Variants in GRK5 observed in about 807,000 individuals in gnomAD.
The protein encoded by GRK5 is G protein-coupled receptor kinase 5, also known as g protein-coupled receptor kinase GRK5.
A neutral mutation model predicts 78.4 loss-of-function variants in GRK5; 40 were observed. The observed-to-expected ratio is 0.51, with a 90% CI of 0.40 to 0.66. The LOEUF (loss-of-function observed/expected upper bound fraction) is 0.66. Ranked by LOEUF, GRK5 falls within the 30% of genes least tolerant of loss-of-function variation. The probability of loss-of-function intolerance (pLI) is 0.00; values close to 1 mark genes in which losing one functional copy is unlikely to be tolerated. For missense variants in GRK5, 598 were observed against 759.9 expected, an observed-to-expected ratio of 0.79 and a Z score of 2.50; for synonymous variants, 289 against 296.8, an observed-to-expected ratio of 0.97 and a Z score of 0.27.
intron 6 of GRK5, among the ~76,000 whole-genome samples, chr10:119,429,360 C>T (rs904006850): frequency 4.0e-3 from 4 of 988 alleles, no homozygotes; most frequent in Middle Eastern, 0.5. Context: ...AGTTCTTTGG[C>T]CCAGTTCTGC....
chr10:119,243,376 T>C (rs762428132), intron 1 of GRK5, among the ~76,000 whole-genome samples: 10 of 152,140 alleles, frequency 6.6e-5, no homozygotes, highest in Non-Finnish European at 1.2e-4. Context: ...AAAAATAATA[T>C]ATAAACTCAT....
chr10:119,435,015 C>T (rs1346563683), intron 8 of GRK5, among the ~76,000 whole-genome samples: 1 of 152,216 alleles, frequency 6.6e-6, no homozygotes, highest in Non-Finnish European at 1.5e-5. Flanking sequence ...CTTGGGGCTT[C>T]CACCATGGCT....
At position 119,379,602 on chromosome 10, in the gene GRK5, CT is replaced by C. The variant is rs544131372; in HGVS notation, c.149-1212del. Among the ~76,000 whole-genome samples the C allele has an allele frequency of 6.6e-6, 1 of 152,182 alleles. No homozygotes were observed. Among genetic ancestry groups the C allele is most frequent in the Non-Finnish European group, 1.5e-5 (1 of 68,022 alleles). Reference sequence around the variant, plus strand: ...TGCAAGTTGCTGTCCTTCCCAGGCTCTATCGCCCTCTTCCCTGTTTCCCACG... The same window carrying C: ...TGCAAGTTGCTGTCCTTCCCAGGCTCATCGCCCTCTTCCCTGTTTCCCACG... On this transcript the variant is annotated intron_variant, in intron 2 of 15. Coordinates refer to ENST00000392870, the MANE Select transcript of GRK5 (RefSeq NM_005308.3). This position sits in a 1 kb window ranked among gnomAD's most constrained non-coding sequence, Gnocchi z 4.1.
intron 1 of GRK5, among the ~76,000 whole-genome samples, chr10:119,275,602 C>G (rs1849656019): frequency 7.3e-6 from 1 of 136,428 alleles, no homozygotes; most frequent in African/African-American, 2.7e-5. Context: ...CTCTCTCTCT[C>G]TCTCTCTCTC....
intron 1 of GRK5, among the ~76,000 whole-genome samples, chr10:119,260,911 A>G (rs2133653118): frequency 1.3e-5 from 2 of 152,068 alleles, no homozygotes; most frequent in South Asian, 4.2e-4. Flanking sequence ...GTTCTCAATG[A>G]GCTGTTGGGC....
At chr10:119,358,815 C>T (rs1343059026) in intron 2 of GRK5, among the ~76,000 whole-genome samples, 1 of 152,196 alleles carries the variant, frequency 6.6e-6, no homozygotes, top group East Asian at 1.9e-4. Context: ...CTGGGGGCCA[C>T]AGTTCAAGAT....
At chr10:119,318,132 C>T (rs567486565) in intron 1 of GRK5, among the ~76,000 whole-genome samples, 51 of 151,986 alleles carry the variant, frequency 3.4e-4, no homozygotes, top group Non-Finnish European at 6.6e-4. Flanking sequence ...CAGTTTCCCC[C>T]GTGGAACCTT....
Position 119,452,557 on chromosome 10 carries a change from TG to T in GRK5, c.1405-109del. On this transcript the variant is annotated intron_variant, in intron 13 of 15. Transcript: ENST00000392870. The surrounding 1 kb of genome is among the most constrained non-coding windows in gnomAD (Gnocchi z 4.4). The stretch of plus-strand genomic sequence containing the variant: ...CTCCAGCCACTACCCATAGCAGTTC[TG>T]GGGGTGTGTCCTGGGAAGACTCCCT... 2 of 1,262,050 alleles carry T rather than the reference TG, an allele frequency of 1.6e-6. No homozygotes were observed. Among genetic ancestry groups the T allele is most frequent in the Non-Finnish European group, 2.2e-6 (2 of 902,068 alleles). The allele number at this position is 1,262,050 out of a possible 1,614,324, so 78.2% of individuals were successfully genotyped here.
chr10:119,446,011 A>G (rs1259959588), intron 12 of GRK5, among the ~76,000 whole-genome samples: 1 of 151,890 alleles, frequency 6.6e-6, no homozygotes, highest in Non-Finnish European at 1.5e-5. Flanking sequence ...ATCTTCCCCA[A>G]ACCCCTGCTC....
intron 2 of GRK5, among the ~76,000 whole-genome samples, chr10:119,346,276 C>T (rs963765265): frequency 2.0e-5 from 3 of 152,168 alleles, no homozygotes; most frequent in African/African-American, 4.8e-5. Context: ...AGAGGTCCCC[C>T]GGAGCATGCC....
intron 4 of GRK5, among the ~76,000 whole-genome samples, chr10:119,411,463 G>T (rs1284630652): frequency 2.0e-5 from 3 of 152,174 alleles, no homozygotes; most frequent in African/African-American, 7.2e-5. Flanking sequence ...AGGCATCATG[G>T]CCTCTGGAAG....
At chr10:119,385,825 A>C (rs1851785000) in intron 3 of GRK5, among the ~76,000 whole-genome samples, 1 of 152,076 alleles carries the variant, frequency 6.6e-6, no homozygotes, top group Non-Finnish European at 1.5e-5. Context: ...TGGGTGTTCA[A>C]GCCAGGCTTC....
intron 4 of GRK5, among the ~76,000 whole-genome samples, chr10:119,415,099 A>AAG (rs1554919578): frequency 1.3e-5 from 2 of 149,206 alleles, no homozygotes; most frequent in African/African-American, 5.0e-5. Context: ...AAAAAAAAAA[A>AAG]AAAAGAAAAA....
chr10:119,375,891 G>A (rs996581509), intron 2 of GRK5, among the ~76,000 whole-genome samples: 1 of 152,258 alleles, frequency 6.6e-6, no homozygotes, highest in Non-Finnish European at 1.5e-5. Flanking sequence ...GCTGGGGCCT[G>A]AGCCCACAGG....
At chr10:119,318,120 C>G (rs1019820022) in intron 1 of GRK5, among the ~76,000 whole-genome samples, 5 of 151,952 alleles carry the variant, frequency 3.3e-5, no homozygotes, top group African/African-American at 1.2e-4. Context: ...TGGAACCTTC[C>G]TCAGTTTCCC....
intron 4 of GRK5, among the ~76,000 whole-genome samples, chr10:119,398,591 C>G (rs1055844014): frequency 6.6e-6 from 1 of 152,224 alleles, no homozygotes; most frequent in African/African-American, 2.4e-5. Flanking sequence ...TGTGTCCCCC[C>G]CAAACAATGG....
intron 10 of GRK5, 42 bp downstream of exon 10, chr10:119,439,810 C>T (rs1480115175): frequency 1.9e-6 from 3 of 1,596,702 alleles, no homozygotes; most frequent in Non-Finnish European, 2.6e-6. Context: ...AGCATTGCAA[C>T]CCCAAGAAAG....
intron 2 of GRK5, among the ~76,000 whole-genome samples, chr10:119,348,413 G>A (rs1015428061): frequency 2.0e-5 from 3 of 152,224 alleles, no homozygotes; most frequent in Non-Finnish European, 4.4e-5. Flanking sequence ...ATAAGTCAGT[G>A]CGTTAGAAAC....
At position 119,265,800 on chromosome 10, in the gene GRK5, C is replaced by T. The variant is rs114761941; in HGVS notation, c.52+57831C>T. ...GGAGCCTCCAGGGAAACCCTGGGCC[C>T]TGCAGGTTCTTGTCCAGAACCACTG... On this transcript the variant is annotated intron_variant, in intron 1 of 15. Coordinates refer to ENST00000392870, the MANE Select transcript of GRK5 (RefSeq NM_005308.3). 1.7e-3 allele frequency among the ~76,000 whole-genome samples: 253 copies of T among 152,336 alleles called. 1 individual carries two copies. The highest frequency in any genetic ancestry group is 6.0e-3 in the African/African-American group (248 of 41,582).
Sources: gnomAD v4.1 joint callset for allele counts (sites outside exome capture counted in the v4.1 genomes callset) on GRCh38, gnomAD v4.1.1 for gene constraint, Gnocchi (gnomAD v3.1) non-coding constraint, MANE v1.5 for transcripts, NCBI Gene and HGNC (gene_info 2026-07-23, HGNC 2026-07-21) for gene names.